PARN: variants seen among roughly 807,000 people sequenced by gnomAD.
PARN encodes poly(A)-specific ribonuclease PARN.
Under a neutral mutation model 102.8 loss-of-function variants are expected in PARN, and 71 were observed. That is an observed-to-expected ratio of 0.69 (90% confidence interval 0.57 to 0.84). The LOEUF is 0.84. Ranked by LOEUF, PARN falls within the 40% of genes least tolerant of loss-of-function variation. PARN has a pLI of 0.00. For missense variants in PARN, 782 were observed against 760.9 expected, an observed-to-expected ratio of 1.03 and a Z score of -0.33; for synonymous variants, 261 against 252.9, an observed-to-expected ratio of 1.03 and a Z score of -0.30.
chr16:14,609,034 G>A, intron 8 of PARN, 24 bp downstream of exon 8: 2 of 1,432,930 alleles, frequency 1.4e-6, no homozygotes, highest in Non-Finnish European at 1.9e-6. Flanking sequence ...AAAAGGACAT[G>A]CAGAAATGTT....
chr16:14,478,304 T>C (rs1016463319), intron 22 of PARN, among the ~76,000 whole-genome samples: 6 of 152,110 alleles, frequency 3.9e-5, no homozygotes, highest in Non-Finnish European at 7.4e-5. Flanking sequence ...CAACAGACCC[T>C]GTCTCAGAAA....
chr16:14,529,743 C>A (rs1276936120), intron 21 of PARN, among the ~76,000 whole-genome samples: 1 of 152,136 alleles, frequency 6.6e-6, no homozygotes, highest in Admixed American at 6.5e-5. Flanking sequence ...ATGGTTCTAA[C>A]GAGGACTATC....
intron 2 of PARN, among the ~76,000 whole-genome samples, chr16:14,628,974 C>T (rs1972853124): frequency 6.6e-6 from 1 of 152,178 alleles, no homozygotes; most frequent in African/African-American, 2.4e-5. Context: ...GCAATGAACA[C>T]GTCCACTAAT....
Position 14,559,485 on chromosome 16 carries a change from C to A in PARN, c.1263-3776G>T, listed in dbSNP as rs565529908. The stretch of plus-strand genomic sequence containing the variant: ...GGTACGTGAGATGTTTGGATAGAGG[C>A]ATGCAATGTGAAATAAGCACATCAT... On this transcript the variant is annotated intron_variant, in intron 18 of 23. Transcript: ENST00000437198. 2.0e-5 allele frequency among the ~76,000 whole-genome samples: 3 copies of A among 151,816 alleles called. No individual in the cohort carries two copies. The South Asian group carries it at 6.3e-4, about 32-fold the overall frequency.
intron 18 of PARN, among the ~76,000 whole-genome samples, chr16:14,575,287 T>C (rs1375365641): frequency 1.3e-5 from 2 of 152,082 alleles, no homozygotes; most frequent in African/African-American, 2.4e-5. Flanking sequence ...GCTTGCACCA[T>C]GCATCTGGAA....
At chr16:14,497,680 T>C (rs1257739758) in intron 21 of PARN, among the ~76,000 whole-genome samples, 1 of 152,132 alleles carries the variant, frequency 6.6e-6, no homozygotes, top group Non-Finnish European at 1.5e-5. Context: ...GGCTTACAGG[T>C]TTCAGTGGTT....
chr16:14,623,279 G>A (rs971520453), intron 5 of PARN, among the ~76,000 whole-genome samples: 4 of 152,040 alleles, frequency 2.6e-5, no homozygotes, highest in Non-Finnish European at 5.9e-5. Flanking sequence ...ACTTTGGGAG[G>A]CCGAGGTGGG....
At chr16:14,470,987 G>A (rs1029048171) in intron 22 of PARN, among the ~76,000 whole-genome samples, 3 of 152,072 alleles carry the variant, frequency 2.0e-5, no homozygotes, top group East Asian at 1.9e-4. Flanking sequence ...ATCTTGCTAT[G>A]TTGCCCAGGC....
intron 18 of PARN, among the ~76,000 whole-genome samples, chr16:14,573,236 A>C (rs1968915443): frequency 6.6e-6 from 1 of 152,180 alleles, no homozygotes; most frequent in Non-Finnish European, 1.5e-5. Flanking sequence ...TATGTACAAC[A>C]TGTTTTGAAA....
At chr16:14,587,978 C>T (rs549702930) in intron 13 of PARN, among the ~76,000 whole-genome samples, 5 of 152,202 alleles carry the variant, frequency 3.3e-5, no homozygotes, top group Non-Finnish European at 4.4e-5. Flanking sequence ...AAAATGGCTA[C>T]ACCCCTTGTC....
intron 21 of PARN, among the ~76,000 whole-genome samples, chr16:14,517,681 A>C (rs72787647): frequency 0.21 from 32,580 of 151,954 alleles, 3,868 homozygotes; most frequent in Middle Eastern, 0.3. Flanking sequence ...ATAAAAGGTT[A>C]TTTTTTCTTT....
intron 21 of PARN, among the ~76,000 whole-genome samples, chr16:14,531,361 CA>C (rs113584468): frequency 1.4e-3 from 195 of 139,172 alleles, no homozygotes; most frequent in African/African-American, 3.8e-3. Flanking sequence ...GACTCCATCT[CA>C]AAAAAAAAAA....
chr16:14,559,423 A>AT (rs1967914898), intron 18 of PARN, among the ~76,000 whole-genome samples: 1 of 150,546 alleles, frequency 6.6e-6, no homozygotes, highest in South Asian at 2.1e-4. Context: ...TTTTTTTTTA[A>AT]TTTTTATGAG....
intron 2 of PARN, among the ~76,000 whole-genome samples, chr16:14,629,197 G>A (rs1972869022): frequency 6.6e-6 from 1 of 152,152 alleles, no homozygotes; most frequent in Non-Finnish European, 1.5e-5. Flanking sequence ...GAGATGGATG[G>A]TGATGTTTGC....
intron 20 of PARN, among the ~76,000 whole-genome samples, chr16:14,552,958 A>G (rs1481095108): frequency 1.3e-5 from 2 of 152,048 alleles, no homozygotes; most frequent in Non-Finnish European, 2.9e-5. Flanking sequence ...CAAAAAAATA[A>G]TAATAATAAT....
In PARN at chr16:14,436,641, A is replaced by G. The variant is rs1960709670; in HGVS notation, c.*76T>C. ...TACCACATTTGATTAAGTTAAATAC[A>G]GTGCGGCTTCCAAATGTGCCAGCCG... On this transcript the variant is annotated 3_prime_UTR_variant, in exon 24 of 24. Coordinates refer to ENST00000437198, the MANE Select transcript of PARN (RefSeq NM_002582.4). 1 of 1,044,882 alleles carries G rather than the reference A, an allele frequency of 9.6e-7. No individual in the cohort carries two copies. The highest frequency in any genetic ancestry group is 1.6e-5 in the African/African-American group (1 of 63,558). The allele number at this position is 1,044,882 out of a possible 1,614,324, so 64.7% of individuals were successfully genotyped here.
chr16:14,540,760 T>C (rs920130039), intron 21 of PARN, among the ~76,000 whole-genome samples: 4 of 152,112 alleles, frequency 2.6e-5, no homozygotes, highest in South Asian at 2.1e-4. Flanking sequence ...AAGACCAGCC[T>C]GGGCAACATG....
At chr16:14,446,560 C>G (rs758089291) in intron 23 of PARN, among the ~76,000 whole-genome samples, 3 of 152,138 alleles carry the variant, frequency 2.0e-5, no homozygotes, top group Non-Finnish European at 4.4e-5. Context: ...GGAGGGGCCT[C>G]TGCGCACATT....
intron 22 of PARN, among the ~76,000 whole-genome samples, chr16:14,456,867 A>G (rs1961705114): frequency 2.6e-5 from 4 of 152,122 alleles, no homozygotes; most frequent in Admixed American, 2.6e-4. Flanking sequence ...TGTCACATTC[A>G]TTCCTCTGCC....
Sources: allele counts gnomAD v4.1 joint callset (sites outside exome capture counted in the v4.1 genomes callset), GRCh38; gene constraint gnomAD v4.1.1; transcripts MANE v1.5; gene names NCBI Gene and HGNC (gene_info 2026-07-23, HGNC 2026-07-21).